Variants in PRMT8 observed in about 807,000 individuals in gnomAD.
PRMT8 encodes the protein protein arginine methyltransferase 8.
A neutral mutation model predicts 47.1 loss-of-function variants in PRMT8; 7 were observed. The observed-to-expected ratio is 0.15, with a 90% CI of 0.08 to 0.28. PRMT8 has a LOEUF of 0.28. PRMT8 is among the 10% of genes least tolerant of loss of function. The probability of loss-of-function intolerance (pLI) is 1.00; values close to 1 mark genes in which losing one functional copy is unlikely to be tolerated. For missense variants in PRMT8, 237 were observed against 505.4 expected (o/e 0.47, Z 5.09); for synonymous variants, 188 against 186.5 (o/e 1.01, Z -0.07).
In PRMT8 at chr12:3,552,721, A is replaced by G; in HGVS notation, c.418-930A>G. 2.1e-6 allele frequency: 1 copy of G among 474,658 alleles called. No homozygotes were observed. The highest frequency in any genetic ancestry group is 4.2e-6 in the Non-Finnish European group (1 of 236,690). 29.4% of individuals were successfully genotyped at this position (474,658 alleles called of 1,614,324 possible). ...CCCGTAGGTGCCCTCACCCTTCCTC[A>G]AGGCGTGGCCAGAGGCGTCAGAAAC... On this transcript the variant is annotated intron_variant, in intron 3 of 9. Coordinates refer to ENST00000382622, the MANE Select transcript of PRMT8 (RefSeq NM_019854.5). This position sits in a 1 kb window ranked among gnomAD's most constrained non-coding sequence, Gnocchi z 4.5.
Position 3,538,526 on chromosome 12 carries a change from G to A in PRMT8, c.76-2080G>A. On this transcript the variant is annotated intron_variant, in intron 1 of 9. Coordinates refer to ENST00000382622, the MANE Select transcript of PRMT8 (RefSeq NM_019854.5). This position sits in a 1 kb window ranked among gnomAD's most constrained non-coding sequence, Gnocchi z 4.6. Reference sequence around the variant, plus strand: ...GTCTTAGCCTGTGGAGTCCCAGGAAGCACATGGAAAAGAGAGCCTTGGAAC... The same window carrying A: ...GTCTTAGCCTGTGGAGTCCCAGGAAACACATGGAAAAGAGAGCCTTGGAAC... The A allele has an allele frequency of 2.1e-6, 1 of 467,176 alleles. No homozygotes were observed. Among genetic ancestry groups the A allele is most frequent in the Non-Finnish European group, 4.3e-6 (1 of 234,364 alleles). 28.9% of individuals were successfully genotyped at this position (467,176 alleles called of 1,614,324 possible). A position where few individuals can be genotyped will look rare whatever the true frequency, so the allele number is the denominator to read the frequency against.
chr12:3,555,293 G>A (rs536420403), intron 4 of PRMT8, among the ~76,000 whole-genome samples: 6 of 152,336 alleles, frequency 3.9e-5, no homozygotes, highest in East Asian at 1.9e-4. Context: ...CCATGGCTGC[G>A]TTAGGTTAGC....
rs544202336 is a variant in PRMT8, at chr12:3,464,646, C to G, written c.49-75960C>G. 9.9e-5 allele frequency among the ~76,000 whole-genome samples: 15 copies of G among 152,222 alleles called. 1 individual carries two copies. In the East Asian group the frequency reaches 2.7e-3, roughly 27 times the overall value. On this transcript the variant is annotated intron_variant, in intron 1 of 9. Transcript: ENST00000452611. ...TTAAGGGAAGAAAAGACCCATACCC[C>G]GGTATCTGTAGCCTCTACCCCTTAA...
chr12:3,567,136 C>A (rs1866733878), intron 4 of PRMT8, among the ~76,000 whole-genome samples: 1 of 152,226 alleles, frequency 6.6e-6, no homozygotes, highest in African/African-American at 2.4e-5. Flanking sequence ...ATCTGTGGAT[C>A]AACAAGCAGG....
Position 3,580,607 on chromosome 12 carries a change from C to A in PRMT8, c.829-2451C>A, listed in dbSNP as rs1867042189. On this transcript the variant is annotated intron_variant, in intron 7 of 9. Coordinates refer to ENST00000382622, the MANE Select transcript of PRMT8 (RefSeq NM_019854.5). The surrounding 1 kb of genome is among the most constrained non-coding windows in gnomAD (Gnocchi z 4.6). ...TGCTGTGCACTGAGGATACACAGGA[C>A]AATGAGGTGTAACTTCTGCCACTGA... 6.6e-6 allele frequency among the ~76,000 whole-genome samples: 1 copy of A among 152,100 alleles called. No homozygotes were observed. Among genetic ancestry groups the A allele is most frequent in the South Asian group, 2.1e-4 (1 of 4,820 alleles).
At chr12:3,553,384 G>A (rs997780038) in intron 3 of PRMT8, 1 of 539,780 alleles carries the variant, frequency 1.9e-6, no homozygotes. Context: ...AGCCCCTTTT[G>A]AGTCTCCAGC....
chr12:3,391,899 A>G (rs1201256469), intron 1 of PRMT8, among the ~76,000 whole-genome samples: 2 of 152,192 alleles, frequency 1.3e-5, no homozygotes, highest in African/African-American at 4.8e-5. Context: ...CTCTGAATTG[A>G]TGAATGAAGG....
At chr12:3,391,610 C>T (rs960878182) in intron 1 of PRMT8, among the ~76,000 whole-genome samples, 4 of 152,122 alleles carry the variant, frequency 2.6e-5, no homozygotes, top group Non-Finnish European at 2.9e-5. Context: ...GAGTGGAATG[C>T]GAAGCCACTA....
intron 1 of PRMT8, among the ~76,000 whole-genome samples, chr12:3,491,984 C>T (rs943752424): frequency 4.0e-5 from 6 of 151,866 alleles, no homozygotes; most frequent in Non-Finnish European, 8.8e-5. Flanking sequence ...TCCTGCCACC[C>T]GCTGCTCCCT....
intron 1 of PRMT8, among the ~76,000 whole-genome samples, chr12:3,414,082 C>T (rs752887887): frequency 6.6e-6 from 1 of 152,176 alleles, no homozygotes; most frequent in Non-Finnish European, 1.5e-5. Context: ...GTGAGTTACT[C>T]ATTGTCTCTG....
chr12:3,532,412 C>T (rs894868207), intron 1 of PRMT8, among the ~76,000 whole-genome samples: 1 of 150,276 alleles, frequency 6.7e-6, no homozygotes, highest in African/African-American at 2.4e-5. Flanking sequence ...GAGTTCGAGA[C>T]CAGCCTGGCC....
chr12:3,408,524 A>G (rs1234968339), intron 1 of PRMT8, among the ~76,000 whole-genome samples: 1 of 152,180 alleles, frequency 6.6e-6, no homozygotes, highest in African/African-American at 2.4e-5. Context: ...GGAGTGAACC[A>G]CTGCACCCAA....
At chr12:3,540,392 T>G (rs3759362) in intron 1 of PRMT8, among the ~76,000 whole-genome samples, 14 of 152,144 alleles carry the variant, frequency 9.2e-5, no homozygotes, top group African/African-American at 3.1e-4. Flanking sequence ...TCTAGGTGTG[T>G]GTGGCTCCTC....
At chr12:3,413,381 T>C (rs902142428) in intron 1 of PRMT8, among the ~76,000 whole-genome samples, 3 of 152,206 alleles carry the variant, frequency 2.0e-5, no homozygotes, top group Non-Finnish European at 4.4e-5. Context: ...TAAACCTTTT[T>C]CTTTGATAAA....
chr12:3,424,328 T>C (rs1432665027), intron 1 of PRMT8, among the ~76,000 whole-genome samples: 1 of 152,198 alleles, frequency 6.6e-6, no homozygotes, highest in Non-Finnish European at 1.5e-5. Flanking sequence ...GGCTACTTGT[T>C]CCTTTCTGAA....
intron 1 of PRMT8, among the ~76,000 whole-genome samples, chr12:3,386,339 A>G (rs1467940413): frequency 6.6e-6 from 1 of 152,188 alleles, no homozygotes; most frequent in African/African-American, 2.4e-5. Flanking sequence ...TATTCCTGTG[A>G]TTTCTTCCTC....
chr12:3,562,543 T>C (rs1465747476), intron 4 of PRMT8, among the ~76,000 whole-genome samples: 3 of 151,694 alleles, frequency 2.0e-5, no homozygotes, highest in African/African-American at 7.3e-5. Context: ...ATTGAGAAAA[T>C]GGGGATGTGT....
chr12:3,547,023 A>T (rs1042542764), intron 2 of PRMT8, among the ~76,000 whole-genome samples: 1 of 152,252 alleles, frequency 6.6e-6, no homozygotes, highest in African/African-American at 2.4e-5. Flanking sequence ...GAGAAAAGTC[A>T]TATACCATCT....
intron 1 of PRMT8, among the ~76,000 whole-genome samples, chr12:3,437,353 T>C (rs144811980): frequency 5.3e-4 from 80 of 152,160 alleles, no homozygotes; most frequent in African/African-American, 1.8e-3. Context: ...TTTAGTTTTA[T>C]ATATTTTATT....
Sources: allele counts gnomAD v4.1 joint callset (sites outside exome capture counted in the v4.1 genomes callset), GRCh38; gene constraint gnomAD v4.1.1; non-coding constraint Gnocchi (gnomAD v3.1); transcripts MANE v1.5; gene names NCBI Gene and HGNC (gene_info 2026-07-23, HGNC 2026-07-21).